TMEM223: variants seen among roughly 807,000 people sequenced by gnomAD.
The protein encoded by TMEM223 is transmembrane protein 223.
In TMEM223, 14 loss-of-function variants were observed where a neutral mutation model predicts 14.1. The ratio of observed to expected loss-of-function variants is 0.99; its 90% CI spans 0.66 to 1.55. TMEM223 has a LOEUF of 1.55. TMEM223 is among the 40% of genes most tolerant of loss of function. The pLI is 0.00. For missense variants in TMEM223, 346 were observed against 269.9 expected, an observed-to-expected ratio of 1.28 and a Z score of -1.97; for synonymous variants, 145 against 120.5, an observed-to-expected ratio of 1.20 and a Z score of -1.33.
In TMEM223 at chr11:62,775,819, C is replaced by A. The variant is rs111246317; in HGVS notation, c.315-1154G>T. 3,609 of 1,612,324 alleles carry A rather than the reference C, an allele frequency of 2.2e-3. 7 individuals are homozygous for A. The highest frequency in any genetic ancestry group is 2.8e-3 in the Non-Finnish European group (3,315 of 1,179,900). On this transcript the variant is annotated intron_variant, in intron 1 of 2. Transcript: ENST00000528367. ...GAGAAGAGCGGCGGTTTGTGGAGATCCCTCGGGAGTCTGTCCGGCTCATGG... is the reference window on the plus strand; with the variant it reads ...GAGAAGAGCGGCGGTTTGTGGAGATACCTCGGGAGTCTGTCCGGCTCATGG...
downstream of TMEM223, among the ~76,000 whole-genome samples, chr11:62,783,535 CTT>C (rs1342686734): frequency 2.0e-4 from 27 of 133,862 alleles, no homozygotes; most frequent in Admixed American, 2.3e-4. Flanking sequence ...GAGGGAGGAT[CTT>C]TTTTTTTTTT....
At chr11:62,775,241 T>TA (rs1200766619) in intron 1 of TMEM223, among the ~76,000 whole-genome samples, 2 of 152,152 alleles carry the variant, frequency 1.3e-5, no homozygotes, top group Non-Finnish European at 2.9e-5. Context: ...AAGCTCTTTA[T>TA]AAAACCATTA....
rs1309219275 is a variant in TMEM223 at position 62,791,853 on chromosome 11, G to A, written c.142C>T (p.Leu48Phe). The A allele has an allele frequency of 8.8e-6, 14 of 1,592,788 alleles. No homozygotes were observed. Among genetic ancestry groups the A allele is most frequent in the Non-Finnish European group, 1.1e-5 (13 of 1,170,440 alleles). ...EHDRGRFFTI[L>F]GLFCAGQGVF... ...CCCTGGCCCGCGCAGAACAGCCCGA[G>A]GATGGTGAAGAAGCGGCCCCGATCA... Residue 48 changes from leucine to phenylalanine, a missense_variant, in exon 1 of 2, where the codon CTC (leucine) becomes TTC (phenylalanine). By Grantham distance (22) the Leu-to-Phe change is conservative. Coordinates refer to ENST00000307366, the MANE Select transcript of TMEM223 (RefSeq NM_001080501.3).
chr11:62,777,062 G>A lies in TMEM223; in HGVS notation c.315-2397C>T, dbSNP rs1003796686. ...CTCAGGATGCTGAGGCAGGAGAATCGCGTGAACCTGGGAGGCAGAGGTTGC... is the reference window on the plus strand; with the variant it reads ...CTCAGGATGCTGAGGCAGGAGAATCACGTGAACCTGGGAGGCAGAGGTTGC... On this transcript the variant is annotated intron_variant, in intron 1 of 2. Coordinates refer to the TMEM223 transcript ENST00000528367. Among the ~76,000 whole-genome samples the A allele has an allele frequency of 9.2e-5, 14 of 151,998 alleles. 1 individual carries two copies. The highest frequency in any genetic ancestry group is 1.4e-4 in the African/African-American group (6 of 41,462).
intron 1 of TMEM223, chr11:62,775,733 G>A (rs2084182063): frequency 6.4e-7 from 1 of 1,567,700 alleles, no homozygotes. Context: ...TCTCCGGGAG[G>A]CTGGGCAGCT....
intron 1 of TMEM223, among the ~76,000 whole-genome samples, chr11:62,779,726 T>C (rs1467240592): frequency 1.3e-5 from 2 of 151,412 alleles, no homozygotes; most frequent in African/African-American, 4.8e-5. Flanking sequence ...AGTGCAGTGG[T>C]GTGATGTTGG....
At chr11:62,789,575 T>G, downstream of TMEM223, 1 of 1,549,260 alleles carries the variant, frequency 6.5e-7, no homozygotes, top group Non-Finnish European at 8.7e-7. Context: ...TCACGCTTTC[T>G]CACAACTGTC....
At chr11:62,781,455 C>T (rs529592189) in intron 1 of TMEM223, among the ~76,000 whole-genome samples, 5 of 152,006 alleles carry the variant, frequency 3.3e-5, no homozygotes, top group South Asian at 4.1e-4. Flanking sequence ...GGGCAGATCA[C>T]GAGGTCAGGA....
At chr11:62,784,089 A>G (rs1590937716), downstream of TMEM223, among the ~76,000 whole-genome samples, 1 of 135,396 alleles carries the variant, frequency 7.4e-6, no homozygotes, top group African/African-American at 2.7e-5. Flanking sequence ...CCCGGGTTCA[A>G]GTGATTCTCC....
At chr11:62,787,570 G>A (rs759419056), downstream of TMEM223, 5 of 1,494,064 alleles carry the variant, frequency 3.3e-6, no homozygotes, top group Non-Finnish European at 4.4e-6. Flanking sequence ...GGAGCTGGCC[G>A]GTCTGGACAT....
downstream of TMEM223, chr11:62,789,127 T>C: frequency 6.2e-7 from 1 of 1,614,226 alleles, no homozygotes. Context: ...ACTTTGTAGC[T>C]GGGGCCTCTG....
At chr11:62,774,446 G>A (rs779774028) in intron 2 of TMEM223, 2 of 388,494 alleles carry the variant, frequency 5.1e-6, no homozygotes, top group Admixed American at 2.9e-5. Flanking sequence ...CCACATAGCT[G>A]TCCATTGGAT....
chr11:62,775,985 C>T, intron 1 of TMEM223: 1 of 1,555,238 alleles, frequency 6.4e-7, no homozygotes, highest in South Asian at 1.2e-5. Flanking sequence ...TGCCTTTTTA[C>T]TAACCTCCAC....
chr11:62,773,150 A>C (rs2084162183), intron 2 of TMEM223, among the ~76,000 whole-genome samples: 1 of 135,422 alleles, frequency 7.4e-6, no homozygotes, highest in Admixed American at 7.5e-5. Context: ...CTATAATTAC[A>C]AATTTTTTTT....
At position 62,791,694 on chromosome 11, in the gene TMEM223, C is replaced by A. The variant is rs2134749320; in HGVS notation, c.301G>T (p.Gly101Cys). ...CACGTCTTACCGATGGCGCCGCAGC[C>A]GACGGCCAGACCGTAGCGCCAGAGC... ...SALWRYGLAV[G>C]CGAIGALVLG... Residue 101 changes from glycine to cysteine, a missense_variant, in exon 1 of 2, where the codon GGC (glycine) becomes TGC (cysteine). Gly to Cys is a radical substitution (Grantham distance 159, BLOSUM62 -3). Transcript: ENST00000307366. The A allele has an allele frequency of 6.5e-7, 1 of 1,539,398 alleles. No individual in the cohort carries two copies. The highest frequency in any genetic ancestry group is 8.8e-7 in the Non-Finnish European group (1 of 1,141,934).
At chr11:62,789,353 G>A, downstream of TMEM223, 1 of 1,613,856 alleles carries the variant, frequency 6.2e-7, no homozygotes, top group South Asian at 1.1e-5. Flanking sequence ...CCTGGTCTTG[G>A]TGTCTGCCTG....
chr11:62,774,641 T>C, exon 2 of TMEM223: 1 of 455,204 alleles, frequency 2.2e-6, no homozygotes, highest in South Asian at 1.6e-5. Flanking sequence ...CTGCTGTTTT[T>C]GTCGGTTTCT....
intron 1 of TMEM223, chr11:62,782,053 G>C (rs758112473): frequency 8.2e-6 from 13 of 1,590,996 alleles, no homozygotes; most frequent in Non-Finnish European, 1.1e-5. Flanking sequence ...AGTGCTGTCA[G>C]AATGGTGGGC....
chr11:62,772,770 C>CCTG, intron 2 of TMEM223, among the ~76,000 whole-genome samples: 1 of 150,400 alleles, frequency 6.6e-6, no homozygotes, highest in African/African-American at 2.4e-5. Context: ...TGCACTCCAG[C>CCTG]CTGGGTGACA....
Sources: allele counts gnomAD v4.1 joint callset (sites outside exome capture counted in the v4.1 genomes callset), GRCh38; gene constraint gnomAD v4.1.1; transcripts MANE v1.5; gene names NCBI Gene and HGNC (gene_info 2026-07-23, HGNC 2026-07-21).